The following B3GAT2 variants were observed in gnomAD, a reference collection of about 807,000 sequenced individuals.
The protein encoded by B3GAT2 is beta-1,3-glucuronyltransferase 2.
In B3GAT2, 26 loss-of-function variants were observed where a neutral mutation model predicts 27.8. The observed-to-expected ratio is 0.93, with a 90% CI of 0.68 to 1.30. B3GAT2 has a LOEUF of 1.30. Among genes scored for constraint, B3GAT2 ranks in the 50% most tolerant of loss-of-function variants. The pLI is 0.00. For synonymous variants in B3GAT2, 218 were observed against 195.1 expected (o/e 1.12, Z -0.98); for missense variants, 458 against 459.0 (o/e 1.00, Z 0.02).
At chr6:70,886,545 G>A (rs1300000159) in intron 2 of B3GAT2, among the ~76,000 whole-genome samples, 2 of 152,134 alleles carry the variant, frequency 1.3e-5, no homozygotes, top group African/African-American at 4.8e-5. Context: ...GAGGTGGACA[G>A]AGGCCTGGAA....
chr6:70,884,133 C>G (rs969169427), intron 2 of B3GAT2, among the ~76,000 whole-genome samples: 3 of 150,030 alleles, frequency 2.0e-5, no homozygotes, highest in Non-Finnish European at 4.4e-5. Context: ...CCCGCAACCA[C>G]ACAAATACCA....
At position 70,917,502 on chromosome 6, in the gene B3GAT2, T is replaced by C. The variant is rs117525228; in HGVS notation, c.592-23230A>G. On this transcript the variant is annotated intron_variant, in intron 1 of 3. Coordinates refer to ENST00000230053, the MANE Select transcript of B3GAT2 (RefSeq NM_080742.3). ...AATTGCAATGTTAGGGTGTCGATTT[T>C]AGATCTTTCCTGTTTTCTCCTGTGG... 4.8e-3 allele frequency among the ~76,000 whole-genome samples: 737 copies of C among 152,326 alleles called. 17 individuals are homozygous for C. The East Asian group carries it at 0.086, about 18-fold the overall frequency.
At chr6:70,939,339 C>T (rs1455571404) in intron 1 of B3GAT2, among the ~76,000 whole-genome samples, 4 of 144,368 alleles carry the variant, frequency 2.8e-5, no homozygotes, top group East Asian at 4.1e-4. Context: ...GTCAGTGCGG[C>T]GATTCCTCAG....
intron 1 of B3GAT2, among the ~76,000 whole-genome samples, chr6:70,913,027 A>G (rs1772713046): frequency 6.6e-6 from 1 of 151,908 alleles, no homozygotes; most frequent in African/African-American, 2.4e-5. Context: ...CCTCTTTGTC[A>G]TTTCTGATTA....
chr6:70,883,066 A>G (rs1035087927), intron 2 of B3GAT2, among the ~76,000 whole-genome samples: 2 of 152,190 alleles, frequency 1.3e-5, no homozygotes, highest in South Asian at 4.1e-4. Context: ...ATACAACAAA[A>G]CAGAAGCAAA....
chr6:70,927,214 G>A (rs1772977524), intron 1 of B3GAT2, among the ~76,000 whole-genome samples: 2 of 152,188 alleles, frequency 1.3e-5, no homozygotes, highest in Admixed American at 6.5e-5. Flanking sequence ...ACCAGCCACT[G>A]CAAAAATAGG....
intron 1 of B3GAT2, among the ~76,000 whole-genome samples, chr6:70,953,688 T>A (rs1562240018): frequency 2.0e-5 from 3 of 152,252 alleles, no homozygotes; most frequent in African/African-American, 7.2e-5. Flanking sequence ...ACCTCACCAT[T>A]AAAAAATGTT....
chr6:70,860,338 C>T lies in B3GAT2; in HGVS notation c.*1325G>A. On this transcript the variant is annotated 3_prime_UTR_variant, in exon 4 of 4. Coordinates refer to ENST00000230053, the MANE Select transcript of B3GAT2 (RefSeq NM_080742.3). ...CAGCACACAACTGTGGAAATGAAAA[C>T]TGCAATACAAGTTTCATCCAGAACT... 1.2e-6 allele frequency: 2 copies of T among 1,604,142 alleles called. No individual in the cohort carries two copies. Among genetic ancestry groups the T allele is most frequent in the Non-Finnish European group, 1.7e-6 (2 of 1,176,226 alleles).
intron 1 of B3GAT2, among the ~76,000 whole-genome samples, chr6:70,949,375 C>G (rs1185719545): frequency 6.6e-6 from 1 of 152,136 alleles, no homozygotes; most frequent in Non-Finnish European, 1.5e-5. Context: ...ACAAACAACC[C>G]CATCAACAAG....
intron 1 of B3GAT2, among the ~76,000 whole-genome samples, chr6:70,948,426 A>G (rs1219350557): frequency 6.7e-6 from 1 of 149,936 alleles, no homozygotes; most frequent in African/African-American, 2.5e-5. Context: ...AAGCATTCTT[A>G]TACACCAATA....
intron 1 of B3GAT2, among the ~76,000 whole-genome samples, chr6:70,944,217 G>C (rs1214829867): frequency 6.7e-6 from 1 of 150,226 alleles, no homozygotes; most frequent in Non-Finnish European, 1.5e-5. Context: ...GTGCCAGACA[G>C]TGGGCGCAGG....
chr6:70,889,722 A>G (rs1456466883), intron 2 of B3GAT2, among the ~76,000 whole-genome samples: 1 of 151,944 alleles, frequency 6.6e-6, no homozygotes, highest in Non-Finnish European at 1.5e-5. Flanking sequence ...TGTCCAGCCA[A>G]GACAGAACCT....
chr6:70,954,917 G>GGGGGT lies in B3GAT2; in HGVS notation c.591+921_591+922insACCCC, dbSNP rs1554218599. ...AACCCTGTGCCTGCCGGGGGCGGCG[G>GGGGGT]GGGGGGGCGGTGCGCGCGTGGCCAT... On this transcript the variant is annotated intron_variant, in intron 1 of 3. Transcript: ENST00000230053. Among the ~76,000 whole-genome samples the GGGGGT allele has an allele frequency of 4.6e-5, 7 of 151,394 alleles. 1 individual carries two copies. The highest frequency in any genetic ancestry group is 2.1e-4 in the South Asian group (1 of 4,780).
chr6:70,857,545 A>G lies in B3GAT2; in HGVS notation c.*4118T>C. ...AATTGTTGGGCAGCCCACTACACCT[A>G]TTGAAGCGAGATATAGTCAGCTCTC... On this transcript the variant is annotated 3_prime_UTR_variant, in exon 4 of 4. Transcript: ENST00000230053. 4.9e-6 allele frequency: 1 copy of G among 205,904 alleles called. No individual in the cohort carries two copies. Among genetic ancestry groups the G allele is most frequent in the Non-Finnish European group, 9.8e-6 (1 of 101,666 alleles). 12.8% of individuals were successfully genotyped at this position (205,904 alleles called of 1,614,324 possible).
Position 70,859,261 on chromosome 6 carries a change from A to C in B3GAT2, c.*2402T>G. 8.8e-7 allele frequency: 1 copy of C among 1,137,114 alleles called. No individual in the cohort carries two copies. The highest frequency in any genetic ancestry group is 1.2e-6 in the Non-Finnish European group (1 of 804,330). 70.4% of individuals were successfully genotyped at this position (1,137,114 alleles called of 1,614,324 possible). On this transcript the variant is annotated 3_prime_UTR_variant, in exon 4 of 4. Transcript: ENST00000230053. ...GTCAGTCACATGGTCAACATGCTGA[A>C]GCACACCCAGCTCAGGTTAAGGTGC...
rs192760328 is a variant in B3GAT2 at position 70,928,019 on chromosome 6, A to C, written c.591+27820T>G. ...ATAGTGCAATCAAATTGGAACTCAGAATTAAGAAACTCATTCAAAACTGCA... is the reference window on the plus strand; with the variant it reads ...ATAGTGCAATCAAATTGGAACTCAGCATTAAGAAACTCATTCAAAACTGCA... On this transcript the variant is annotated intron_variant, in intron 1 of 3. Coordinates refer to ENST00000230053, the MANE Select transcript of B3GAT2 (RefSeq NM_080742.3). Among the ~76,000 whole-genome samples, 821 of 152,300 alleles carry C rather than the reference A, an allele frequency of 5.4e-3. 1 individual carries two copies. Among genetic ancestry groups the C allele is most frequent in the Non-Finnish European group, 8.8e-3 (599 of 68,010 alleles).
At chr6:70,879,982 G>A (rs1261225623) in intron 2 of B3GAT2, among the ~76,000 whole-genome samples, 1 of 151,774 alleles carries the variant, frequency 6.6e-6, no homozygotes, top group Non-Finnish European at 1.5e-5. Flanking sequence ...TTTTAACCTG[G>A]AGCCTAACGG....
intron 1 of B3GAT2, among the ~76,000 whole-genome samples, chr6:70,908,590 T>A (rs1772637751): frequency 6.6e-6 from 1 of 152,206 alleles, no homozygotes; most frequent in South Asian, 2.1e-4. Context: ...AATGTTTTAA[T>A]CTATAATGCC....
intron 1 of B3GAT2, among the ~76,000 whole-genome samples, chr6:70,919,137 C>A (rs918442979): frequency 3.9e-5 from 6 of 152,138 alleles, no homozygotes; most frequent in African/African-American, 1.4e-4. Context: ...TGCTTTATTT[C>A]ATTAATTTGA....
Sources: gnomAD v4.1 joint callset for allele counts (sites outside exome capture counted in the v4.1 genomes callset) on GRCh38, gnomAD v4.1.1 for gene constraint, MANE v1.5 for transcripts, NCBI Gene and HGNC (gene_info 2026-07-23, HGNC 2026-07-21) for gene names.